The following AGMO variants were observed in gnomAD, a reference collection of about 807,000 sequenced individuals.
AGMO encodes the protein glyceryl-ether monooxygenase.
Under a neutral mutation model 60.2 loss-of-function variants are expected in AGMO, and 75 were observed. The ratio of observed to expected loss-of-function variants is 1.25; its 90% CI spans 1.03 to 1.51. The LOEUF is 1.51. Among genes scored for constraint, AGMO ranks in the 40% most tolerant of loss-of-function variants. The probability of loss-of-function intolerance (pLI) is 0.00; values close to 1 mark genes in which losing one functional copy is unlikely to be tolerated. For synonymous variants in AGMO, 261 were observed against 177.1 expected (o/e 1.47, Z -3.76); for missense variants, 763 against 525.5 (o/e 1.45, Z -4.42).
intron 12 of AGMO, among the ~76,000 whole-genome samples, chr7:15,365,141 C>T (rs1020958288): frequency 6.6e-6 from 1 of 151,772 alleles, no homozygotes; most frequent in Non-Finnish European, 1.5e-5. Context: ...CAATTTTCAC[C>T]TTAAAAGCTT....
At chr7:15,178,730 G>A in the AGMO span, among the ~76,000 whole-genome samples, 27 of 152,268 alleles carry the variant, frequency 1.8e-4, no homozygotes, top group South Asian at 4.8e-3. Context: ...CAGAAGGAAG[G>A]AGGCTTTCTT....
At chr7:15,452,604 G>T (rs192632270) in intron 3 of AGMO, among the ~76,000 whole-genome samples, 1 of 152,156 alleles carries the variant, frequency 6.6e-6, no homozygotes, top group African/African-American at 2.4e-5. Context: ...TGAGGATGTG[G>T]AGAAGTTAGA....
At chr7:15,190,638 T>C in the AGMO span, among the ~76,000 whole-genome samples, 3 of 152,194 alleles carry the variant, frequency 2.0e-5, no homozygotes, top group East Asian at 1.9e-4. Context: ...GTTGTCCCCA[T>C]TGACTTGATT....
intron 3 of AGMO, among the ~76,000 whole-genome samples, chr7:15,494,747 GTGCTCCATTT>G (rs1260999467): frequency 1.3e-5 from 2 of 152,206 alleles, no homozygotes; most frequent in African/African-American, 4.8e-5. Context: ...CTTGACTTGA[GTGCTCCATTT>G]TGCACAAGCA....
chr7:15,354,368 A>ACGTAC (rs1782389019), intron 12 of AGMO, among the ~76,000 whole-genome samples: 1 of 71,812 alleles, frequency 1.4e-5, no homozygotes, highest in Non-Finnish European at 2.5e-5. Context: ...GTGTGTATAT[A>ACGTAC]GACGTGTGTA....
chr7:15,275,895 T>C (rs1215475393), intron 12 of AGMO, among the ~76,000 whole-genome samples: 2 of 152,216 alleles, frequency 1.3e-5, no homozygotes, highest in African/African-American at 4.8e-5. Context: ...GATATGTTTT[T>C]TTCCACCACT....
At chr7:15,164,922 A>C in the AGMO span, among the ~76,000 whole-genome samples, 1 of 152,150 alleles carries the variant, frequency 6.6e-6, no homozygotes, top group African/African-American at 2.4e-5. Flanking sequence ...TATATCAAAA[A>C]GTCACCTGCA....
At chr7:15,402,191 G>C (rs911731218) in intron 5 of AGMO, among the ~76,000 whole-genome samples, 1 of 152,014 alleles carries the variant, frequency 6.6e-6, no homozygotes, top group African/African-American at 2.4e-5. Flanking sequence ...TGTAAGCCAA[G>C]TCTAAAATTA....
the AGMO span, among the ~76,000 whole-genome samples, chr7:15,172,801 G>A: frequency 9.9e-5 from 15 of 152,126 alleles, no homozygotes; most frequent in Non-Finnish European, 1.5e-4. Flanking sequence ...TGAGCGTCGC[G>A]GAGACTTGTG....
intron 3 of AGMO, among the ~76,000 whole-genome samples, chr7:15,459,340 A>T (rs949814717): frequency 3.3e-5 from 5 of 152,174 alleles, no homozygotes; most frequent in Non-Finnish European, 7.4e-5. Context: ...TAAGTGATGC[A>T]GTGAGAAAAG....
chr7:15,277,429 A>G (rs1321843372), intron 12 of AGMO, among the ~76,000 whole-genome samples: 2 of 152,186 alleles, frequency 1.3e-5, no homozygotes, highest in African/African-American at 4.8e-5. Context: ...TGGTGGTGTC[A>G]TGACATTCAG....
intron 3 of AGMO, among the ~76,000 whole-genome samples, chr7:15,543,170 A>G (rs1056723392): frequency 6.6e-6 from 1 of 151,940 alleles, no homozygotes; most frequent in African/African-American, 2.4e-5. Flanking sequence ...CACCCACTCA[A>G]CCAACCACCC....
chr7:15,560,044 GTAAA>G (rs1785260713), intron 2 of AGMO, 93 bp downstream of exon 2: 2 of 1,203,024 alleles, frequency 1.7e-6, no homozygotes, highest in Admixed American at 5.7e-5. Flanking sequence ...GAAAATTTGT[GTAAA>G]TAAACTAATT....
At chr7:15,502,010 G>T (rs1783398578) in intron 3 of AGMO, among the ~76,000 whole-genome samples, 1 of 152,026 alleles carries the variant, frequency 6.6e-6, no homozygotes, top group Non-Finnish European at 1.5e-5. Context: ...GAGGCAGTAT[G>T]CACTCTCAAG....
At chr7:15,275,718 T>C (rs1043927199) in intron 12 of AGMO, among the ~76,000 whole-genome samples, 5 of 152,164 alleles carry the variant, frequency 3.3e-5, no homozygotes, top group African/African-American at 1.2e-4. Flanking sequence ...CTGGGTTTTC[T>C]GGTGTTGGGT....
At chr7:15,352,772 A>G (rs1246748550) in intron 12 of AGMO, among the ~76,000 whole-genome samples, 1 of 151,700 alleles carries the variant, frequency 6.6e-6, no homozygotes, top group Non-Finnish European at 1.5e-5. Context: ...CCTTAGAGCC[A>G]TTATCTAGTA....
chr7:15,337,680 T>C (rs1012337814), intron 12 of AGMO, among the ~76,000 whole-genome samples: 3 of 152,146 alleles, frequency 2.0e-5, no homozygotes, highest in African/African-American at 7.2e-5. Flanking sequence ...TTGATAGGAA[T>C]AGGTTCACGA....
At chr7:15,552,122 G>C (rs2115299813) in intron 2 of AGMO, among the ~76,000 whole-genome samples, 1 of 152,234 alleles carries the variant, frequency 6.6e-6, no homozygotes, top group East Asian at 1.9e-4. Flanking sequence ...GCCATATGTA[G>C]AAAGCTGAAA....
intron 3 of AGMO, among the ~76,000 whole-genome samples, chr7:15,483,666 A>G (rs1782831341): frequency 6.6e-6 from 1 of 152,214 alleles, no homozygotes; most frequent in South Asian, 2.1e-4. Flanking sequence ...AAACAATTAG[A>G]AGGAATTATT....
Sources: allele counts gnomAD v4.1 joint callset (sites outside exome capture counted in the v4.1 genomes callset), GRCh38; gene constraint gnomAD v4.1.1; transcripts MANE v1.5; gene names NCBI Gene and HGNC (gene_info 2026-07-23, HGNC 2026-07-21).